The following PTPRG variants were observed in gnomAD, a reference collection of about 807,000 sequenced individuals.
PTPRG encodes protein tyrosine phosphatase receptor type G, also known as receptor-type tyrosine-protein phosphatase gamma.
A neutral mutation model predicts 165.3 loss-of-function variants in PTPRG; 102 were observed. The ratio of observed to expected loss-of-function variants is 0.62; its 90% CI spans 0.53 to 0.73. PTPRG has a LOEUF of 0.73. Ranked by LOEUF, PTPRG falls within the 30% of genes least tolerant of loss-of-function variation. The pLI is 0.00. For synonymous variants in PTPRG, 675 were observed against 669.5 expected, an observed-to-expected ratio of 1.01 and a Z score of -0.13; for missense variants, 1,866 against 1,861.4, an observed-to-expected ratio of 1.00 and a Z score of -0.05.
intron 6 of PTPRG, among the ~76,000 whole-genome samples, chr3:62,137,604 C>T (rs1417540709): frequency 6.6e-6 from 1 of 152,040 alleles, no homozygotes; most frequent in Non-Finnish European, 1.5e-5. Context: ...GTCATGGGTT[C>T]GCCAGGATTC....
intron 1 of PTPRG, among the ~76,000 whole-genome samples, chr3:61,719,981 A>G (rs1338847579): frequency 6.6e-6 from 1 of 152,200 alleles, no homozygotes; most frequent in Non-Finnish European, 1.5e-5. Context: ...TTTACAGTGC[A>G]GTCCTGACTT....
At chr3:61,908,460 G>T (rs1399019149) in intron 2 of PTPRG, among the ~76,000 whole-genome samples, 1 of 150,678 alleles carries the variant, frequency 6.6e-6, no homozygotes, top group Non-Finnish European at 1.5e-5. Flanking sequence ...TGGAAATCTA[G>T]TTGTGAAATA....
intron 1 of PTPRG, among the ~76,000 whole-genome samples, chr3:61,656,898 CA>C (rs1170102602): frequency 2.6e-5 from 4 of 152,182 alleles, no homozygotes; most frequent in Non-Finnish European, 5.9e-5. Flanking sequence ...GAGTGGTGAA[CA>C]AATCCCTGCC....
chr3:61,956,296 A>T (rs73098162), intron 2 of PTPRG, among the ~76,000 whole-genome samples: 11,258 of 55,212 alleles, frequency 0.2, 626 homozygotes, highest in East Asian at 0.39. Context: ...TCTCTCTCTC[A>T]CACACACACA....
chr3:62,067,432 T>G lies in PTPRG; in HGVS notation c.520-10731T>G, dbSNP rs78860396. 2.1e-3 allele frequency among the ~76,000 whole-genome samples: 325 copies of G among 152,132 alleles called. 2 individuals carry two copies. The East Asian group carries it at 0.035, about 16-fold the overall frequency. ...GAGGGACCGGTTTTGGGGAAGACAA[T>G]TTTTCCACGGACCTTGTCCATGGTG... is the stretch of plus-strand genomic sequence containing the variant. On this transcript the variant is annotated intron_variant, in intron 4 of 29. Coordinates refer to ENST00000474889, the MANE Select transcript of PTPRG (RefSeq NM_002841.4).
chr3:62,147,127 C>T (rs1371448649), intron 6 of PTPRG, among the ~76,000 whole-genome samples: 2 of 152,166 alleles, frequency 1.3e-5, no homozygotes, highest in Admixed American at 6.5e-5. Flanking sequence ...TTGATTCCTA[C>T]TTCATAGGGT....
At chr3:62,028,688 A>C (rs1208532535) in intron 4 of PTPRG, among the ~76,000 whole-genome samples, 1 of 152,240 alleles carries the variant, frequency 6.6e-6, no homozygotes, top group Admixed American at 6.5e-5. Flanking sequence ...AGTCAGCCTA[A>C]ACATAAAAAG....
At chr3:62,064,168 G>A (rs1015033032) in intron 4 of PTPRG, among the ~76,000 whole-genome samples, 1 of 152,078 alleles carries the variant, frequency 6.6e-6, no homozygotes, top group African/African-American at 2.4e-5. Context: ...GAGCCAGCAA[G>A]TGTTTTAAAC....
At chr3:61,989,987 G>T (rs1014776488) in intron 3 of PTPRG, among the ~76,000 whole-genome samples, 183 bp downstream of exon 3, 3 of 151,822 alleles carry the variant, frequency 2.0e-5, no homozygotes, top group Admixed American at 2.0e-4. Flanking sequence ...TAATCACCCT[G>T]TGTCTTCATT....
intron 4 of PTPRG, among the ~76,000 whole-genome samples, chr3:62,005,524 C>A (rs1188230918): frequency 6.6e-6 from 1 of 151,836 alleles, no homozygotes; most frequent in Non-Finnish European, 1.5e-5. Flanking sequence ...AAAGACCTGT[C>A]CTGAAAGTTT....
chr3:61,766,617 ATT>A (rs71629142), intron 2 of PTPRG, among the ~76,000 whole-genome samples: 2 of 109,696 alleles, frequency 1.8e-5, no homozygotes, highest in African/African-American at 6.4e-5. Flanking sequence ...GTTAAAAAAA[ATT>A]TTTTTTTTTT....
At chr3:61,711,982 C>T (rs980498443) in intron 1 of PTPRG, among the ~76,000 whole-genome samples, 2 of 149,816 alleles carry the variant, frequency 1.3e-5, no homozygotes, top group African/African-American at 2.5e-5. Flanking sequence ...CAACATCTGC[C>T]TCCTGGGTTC....
chr3:62,240,612 C>G lies in PTPRG; in HGVS notation c.2376-3195C>G, dbSNP rs142297495. Among the ~76,000 whole-genome samples the G allele has an allele frequency of 1.8e-3, 276 of 152,330 alleles. 1 individual carries two copies. The highest frequency in any genetic ancestry group is 6.6e-3 in the African/African-American group (274 of 41,560). Reference sequence around the variant, plus strand: ...CTTTGGTCGCTAGATCCTGCATGATCTGGCTCTGGCCCACCTCTCCAACCT... The same window carrying G: ...CTTTGGTCGCTAGATCCTGCATGATGTGGCTCTGGCCCACCTCTCCAACCT... On this transcript the variant is annotated intron_variant, in intron 14 of 29. Transcript: ENST00000474889. This position sits in a 1 kb window ranked among gnomAD's most constrained non-coding sequence, Gnocchi z 5.1.
intron 2 of PTPRG, among the ~76,000 whole-genome samples, chr3:61,962,379 C>T (rs1460809069): frequency 1.3e-5 from 2 of 152,150 alleles, no homozygotes; most frequent in Non-Finnish European, 2.9e-5. Context: ...TTCCTTTGCT[C>T]CTGTAGTTGC....
At chr3:61,783,500 T>C (rs1278496309) in intron 2 of PTPRG, among the ~76,000 whole-genome samples, 1 of 152,204 alleles carries the variant, frequency 6.6e-6, no homozygotes, top group African/African-American at 2.4e-5. Flanking sequence ...AATGCATTGG[T>C]TGCTATAGGA....
chr3:62,172,508 C>A (rs528783748), intron 8 of PTPRG, among the ~76,000 whole-genome samples: 1 of 152,216 alleles, frequency 6.6e-6, no homozygotes, highest in South Asian at 2.1e-4. Flanking sequence ...TGATGATCTC[C>A]CTGTTTGTTT....
intron 8 of PTPRG, among the ~76,000 whole-genome samples, chr3:62,179,957 C>G (rs899348729): frequency 2.6e-5 from 4 of 152,196 alleles, no homozygotes; most frequent in Admixed American, 2.6e-4. Flanking sequence ...AGCAAGTGGC[C>G]AGGAAGTAGC....
chr3:61,782,582 G>T (rs149085664), intron 2 of PTPRG, among the ~76,000 whole-genome samples: 2,004 of 152,324 alleles, frequency 0.013, 51 homozygotes, highest in African/African-American at 0.045. Context: ...AGGTGAGCCA[G>T]AAACTGTGAA....
chr3:62,157,671 G>A (rs1704590974), intron 7 of PTPRG, among the ~76,000 whole-genome samples: 1 of 152,152 alleles, frequency 6.6e-6, no homozygotes, highest in Non-Finnish European at 1.5e-5. Context: ...TTATAGAGGA[G>A]ATCAAGCCAC....
Sources: allele counts gnomAD v4.1 joint callset (sites outside exome capture counted in the v4.1 genomes callset), GRCh38; gene constraint gnomAD v4.1.1; non-coding constraint Gnocchi (gnomAD v3.1); transcripts MANE v1.5; gene names NCBI Gene and HGNC (gene_info 2026-07-23, HGNC 2026-07-21).